The following RDX variants were observed in gnomAD, a reference collection of about 807,000 sequenced individuals.
The protein encoded by RDX is radixin, also known as deafness, autosomal recessive 24.
In RDX, 32 loss-of-function variants were observed where a neutral mutation model predicts 83.7. The observed-to-expected ratio is 0.38, with a 90% confidence interval of 0.29 to 0.51. RDX has a LOEUF of 0.51. RDX is among the 20% of genes least tolerant of loss of function. The pLI, the probability that RDX is intolerant of heterozygous loss-of-function variation, is 0.87. For synonymous variants in RDX, 229 were observed against 222.7 expected (o/e 1.03, Z -0.25); for missense variants, 600 against 689.9 (o/e 0.87, Z 1.46).
At chr11:110,197,247 T>C (rs1465547681) in intron 15 of RDX, among the ~76,000 whole-genome samples, 2 of 152,154 alleles carry the variant, frequency 1.3e-5, no homozygotes, top group Admixed American at 6.5e-5. Context: ...GTCACCATAA[T>C]CCTACAGGCC....
chr11:110,234,036 C>G (rs1388822373), intron 12 of RDX, among the ~76,000 whole-genome samples: 1 of 152,136 alleles, frequency 6.6e-6, no homozygotes, highest in Non-Finnish European at 1.5e-5. Context: ...CTTGGTTTAC[C>G]TGGAAAAGTC....
chr11:110,206,270 A>AC, intron 14 of RDX, among the ~76,000 whole-genome samples: 1 of 151,382 alleles, frequency 6.6e-6, no homozygotes, highest in African/African-American at 2.4e-5. Flanking sequence ...AAAAAAAAAA[A>AC]AAAAATACTG....
At chr11:110,269,224 C>T (rs1303157259) in intron 3 of RDX, among the ~76,000 whole-genome samples, 5 of 152,178 alleles carry the variant, frequency 3.3e-5, no homozygotes, top group African/African-American at 4.8e-5. Flanking sequence ...GTAATCCTCC[C>T]GCCTTGGCCT....
chr11:110,217,958 G>A (rs554092972), intron 14 of RDX, among the ~76,000 whole-genome samples: 12 of 152,272 alleles, frequency 7.9e-5, no homozygotes, highest in African/African-American at 2.6e-4. Flanking sequence ...TGAATCCTCA[G>A]AGCCTAACTT....
chr11:110,246,369 G>T (rs1859105320), intron 10 of RDX, among the ~76,000 whole-genome samples: 1 of 152,184 alleles, frequency 6.6e-6, no homozygotes, highest in Non-Finnish European at 1.5e-5. Context: ...GCAGGCTGGT[G>T]TAAGAAATCA....
At position 110,241,708 on chromosome 11, in the gene RDX, T is replaced by C. The variant is rs556979536; in HGVS notation, c.1091-4056A>G. Reference sequence around the variant, plus strand: ...AACAAGCAAACAAATAACTAAAGAATTGAAAGTAGGGTCTCAAACCAATAC... The same window carrying C: ...AACAAGCAAACAAATAACTAAAGAACTGAAAGTAGGGTCTCAAACCAATAC... On this transcript the variant is annotated intron_variant, in intron 10 of 13. Transcript: ENST00000645495. 4.6e-5 allele frequency among the ~76,000 whole-genome samples: 7 copies of C among 152,294 alleles called. No homozygotes were observed. In the South Asian group the frequency reaches 1.2e-3, roughly 27 times the overall value.
intron 2 of RDX, among the ~76,000 whole-genome samples, chr11:110,277,164 T>C (rs1860551441): frequency 6.6e-6 from 1 of 152,164 alleles, no homozygotes; most frequent in Non-Finnish European, 1.5e-5. Context: ...TTTTGACTCT[T>C]TAAGGAACAA....
At chr11:110,212,961 A>G (rs1863896089) in intron 14 of RDX, among the ~76,000 whole-genome samples, 1 of 135,046 alleles carries the variant, frequency 7.4e-6, no homozygotes, top group Non-Finnish European at 1.6e-5. Flanking sequence ...CTCCTATTCA[A>G]CATAGTGTTG....
At chr11:110,193,576 C>A (rs568123087) in intron 15 of RDX, among the ~76,000 whole-genome samples, 2 of 152,320 alleles carry the variant, frequency 1.3e-5, no homozygotes, top group South Asian at 4.2e-4. Context: ...CTCAACTGCA[C>A]ATTTTTGCCA....
chr11:110,284,522 T>C (rs12278195), intron 1 of RDX, among the ~76,000 whole-genome samples: 5,677 of 101,218 alleles, frequency 0.056, 360 homozygotes, highest in African/African-American at 0.19. Flanking sequence ...CAGGTATTAT[T>C]ATTATTTTTT....
rs1234505547 is a variant in RDX at position 110,230,032 on chromosome 11, G to A, written c.*1837C>T. The A allele has an allele frequency of 2.6e-5, 4 of 152,460 alleles. No individual in the cohort carries two copies. The highest frequency in any genetic ancestry group is 2.0e-4 in the Admixed American group (3 of 15,258). 9.4% of individuals were successfully genotyped at this position (152,460 alleles called of 1,614,324 possible). A position where few individuals can be genotyped will look rare whatever the true frequency, so the allele number is the denominator to read the frequency against. Reference sequence around the variant, plus strand: ...AGTCACTTCAAGGTTAACCAGCTATGTTTTGTCCTACAAAGTTCAAAAAAT... The same window carrying A: ...AGTCACTTCAAGGTTAACCAGCTATATTTTGTCCTACAAAGTTCAAAAAAT... On this transcript the variant is annotated 3_prime_UTR_variant, in exon 14 of 14. Coordinates refer to ENST00000645495, the MANE Select transcript of RDX (RefSeq NM_002906.4).
At chr11:110,269,821 T>A (rs1477438812) in intron 3 of RDX, among the ~76,000 whole-genome samples, 6 of 152,024 alleles carry the variant, frequency 3.9e-5, no homozygotes, top group Admixed American at 3.3e-4. Flanking sequence ...GCGGATCACT[T>A]GAGCTCAGAA....
chr11:110,266,479 A>G (rs1860055828), intron 3 of RDX, among the ~76,000 whole-genome samples: 2 of 152,198 alleles, frequency 1.3e-5, no homozygotes, highest in African/African-American at 4.8e-5. Context: ...AGGGGAGGTA[A>G]AAGTTCATTA....
chr11:110,224,669 A>C (rs1443544991), downstream of RDX, among the ~76,000 whole-genome samples: 2 of 152,246 alleles, frequency 1.3e-5, no homozygotes, highest in Admixed American at 1.3e-4. Flanking sequence ...CTGAGCTTTT[A>C]AGTGTCTCAA....
chr11:110,186,197 G>A (rs2134221859), intron 15 of RDX, among the ~76,000 whole-genome samples: 1 of 152,278 alleles, frequency 6.6e-6, no homozygotes, highest in Non-Finnish European at 1.5e-5. Context: ...AGAAAAGTGG[G>A]TTCTTGTTCT....
At chr11:110,238,760 C>T (rs561189535) in intron 10 of RDX, among the ~76,000 whole-genome samples, 10 of 151,816 alleles carry the variant, frequency 6.6e-5, no homozygotes, top group African/African-American at 2.2e-4. Flanking sequence ...CCCGACTCTA[C>T]TAAAAATACA....
intron 2 of RDX, among the ~76,000 whole-genome samples, chr11:110,277,496 T>G (rs1860568691): frequency 6.6e-6 from 1 of 152,110 alleles, no homozygotes; most frequent in Non-Finnish European, 1.5e-5. Flanking sequence ...ATTTTTGTAC[T>G]TTCAGTAGAG....
intron 2 of RDX, among the ~76,000 whole-genome samples, chr11:110,278,114 G>A (rs1338513322): frequency 1.3e-5 from 2 of 152,132 alleles, no homozygotes; most frequent in Non-Finnish European, 2.9e-5. Context: ...ATGTGTATAT[G>A]TGTGTTGGTG....
At chr11:110,214,995 A>T (rs958800686) in intron 14 of RDX, among the ~76,000 whole-genome samples, 2 of 147,714 alleles carry the variant, frequency 1.4e-5, no homozygotes, top group Admixed American at 6.8e-5. Context: ...GTATAATAAA[A>T]AAAAAATGAA....
Sources: gnomAD v4.1 joint callset for allele counts (sites outside exome capture counted in the v4.1 genomes callset) on GRCh38, gnomAD v4.1.1 for gene constraint, MANE v1.5 for transcripts, NCBI Gene and HGNC (gene_info 2026-07-23, HGNC 2026-07-21) for gene names.